The following RGS6 variants were observed in gnomAD, a reference collection of about 807,000 sequenced individuals.
RGS6 encodes the protein regulator of G protein signaling 6, also known as regulator of G-protein signaling 6.
Under a neutral mutation model 78.5 loss-of-function variants are expected in RGS6, and 30 were observed. The observed-to-expected ratio is 0.38, with a 90% CI of 0.29 to 0.52. The LOEUF (loss-of-function observed/expected upper bound fraction) is 0.52, where lower values mean the gene tolerates loss of function less well. Ranked by LOEUF, RGS6 falls within the 20% of genes least tolerant of loss-of-function variation. The pLI is 0.85. For synonymous variants in RGS6, 206 were observed against 206.0 expected (o/e 1.00, Z 0.00); for missense variants, 495 against 609.7 (o/e 0.81, Z 1.98).
chr14:72,261,148 A>G (rs2058080492), intron 2 of RGS6, among the ~76,000 whole-genome samples: 1 of 152,142 alleles, frequency 6.6e-6, no homozygotes, highest in Admixed American at 6.5e-5. Context: ...GAACCTACAA[A>G]TGCACCCTGT....
At chr14:72,072,755 G>T (rs1282301274) in intron 2 of RGS6, among the ~76,000 whole-genome samples, 1 of 152,088 alleles carries the variant, frequency 6.6e-6, no homozygotes, top group African/African-American at 2.4e-5. Flanking sequence ...TATGTCTTAC[G>T]GATTAAGTTA....
At chr14:71,956,011 A>G (rs1168972346) in intron 1 of RGS6, among the ~76,000 whole-genome samples, 2 of 152,230 alleles carry the variant, frequency 1.3e-5, no homozygotes, top group Non-Finnish European at 2.9e-5. Flanking sequence ...AAGTGAGCTC[A>G]TCAGCTAAGA....
At chr14:71,906,869 T>C in the RGS6 span, among the ~76,000 whole-genome samples, 1 of 152,082 alleles carries the variant, frequency 6.6e-6, no homozygotes, top group Non-Finnish European at 1.5e-5. Flanking sequence ...CAATTTATTA[T>C]ATACAGGTAT....
the RGS6 span, among the ~76,000 whole-genome samples, chr14:71,921,276 T>C: frequency 6.6e-6 from 1 of 152,172 alleles, no homozygotes; most frequent in Admixed American, 6.5e-5. Context: ...AAAGCCATTA[T>C]GGAAAAAGGG....
chr14:72,188,727 T>C (rs900344051), intron 2 of RGS6, among the ~76,000 whole-genome samples: 19 of 152,208 alleles, frequency 1.2e-4, no homozygotes, highest in African/African-American at 4.6e-4. Context: ...GTCTTCTTGA[T>C]GGAAAGCGGT....
chr14:72,177,344 A>T (rs895048688), intron 2 of RGS6, among the ~76,000 whole-genome samples: 1 of 152,120 alleles, frequency 6.6e-6, no homozygotes, highest in Non-Finnish European at 1.5e-5. Flanking sequence ...GGTAGTAAAC[A>T]GGGTGTCTTT....
At chr14:72,629,156 C>G in the RGS6 span, among the ~76,000 whole-genome samples, 5 of 152,016 alleles carry the variant, frequency 3.3e-5, no homozygotes, top group Non-Finnish European at 7.4e-5. Context: ...AGTCCTTATC[C>G]TTTTGAGATA....
At chr14:71,951,906 T>A (rs2092355338) in intron 1 of RGS6, among the ~76,000 whole-genome samples, 1 of 152,180 alleles carries the variant, frequency 6.6e-6, no homozygotes, top group Non-Finnish European at 1.5e-5. Flanking sequence ...TGATTGTTGC[T>A]GATATACAAA....
At position 72,483,639 on chromosome 14, in the gene RGS6, C is replaced by A. The variant is rs372005738; in HGVS notation, c.854+5310C>A. 5.1e-3 allele frequency among the ~76,000 whole-genome samples: 769 copies of A among 152,104 alleles called. 7 individuals are homozygous for A. Among genetic ancestry groups the A allele is most frequent in the African/African-American group, 0.017 (719 of 41,494 alleles). On this transcript the variant is annotated intron_variant, in intron 12 of 17. Coordinates refer to ENST00000553525, the MANE Select transcript of RGS6 (RefSeq NM_001204424.2). ...AAAAAGAGGGTCACAGAAGTCATTA[C>A]AACTTTGCTTTTATGGGATTTCAGA...
the RGS6 span, among the ~76,000 whole-genome samples, chr14:72,581,755 A>T: frequency 6.6e-6 from 1 of 152,140 alleles, no homozygotes; most frequent in Non-Finnish European, 1.5e-5. Context: ...CCAGTACTTG[A>T]CCCCAAGAGC....
chr14:71,934,302 T>G (rs961697389), intron 1 of RGS6, among the ~76,000 whole-genome samples: 3 of 152,332 alleles, frequency 2.0e-5, no homozygotes, highest in African/African-American at 7.2e-5. Context: ...ACTATATATA[T>G]GTAGAGAGAG....
chr14:72,055,565 C>T (rs747730247), intron 2 of RGS6, among the ~76,000 whole-genome samples: 4 of 152,150 alleles, frequency 2.6e-5, no homozygotes, highest in Non-Finnish European at 5.9e-5. Flanking sequence ...AGTGGAATCC[C>T]TTGGAACATT....
intron 1 of RGS6, among the ~76,000 whole-genome samples, chr14:71,954,378 C>T (rs1252577622): frequency 6.6e-6 from 1 of 151,772 alleles, no homozygotes; most frequent in African/African-American, 2.4e-5. Context: ...AATTCTCTCT[C>T]TCTTTTTAGT....
intron 2 of RGS6, among the ~76,000 whole-genome samples, chr14:72,004,858 A>G (rs541642996): frequency 3.3e-5 from 5 of 152,244 alleles, no homozygotes; most frequent in African/African-American, 4.8e-5. Flanking sequence ...AAACAAACAT[A>G]AAAGAAGGCA....
intron 2 of RGS6, among the ~76,000 whole-genome samples, chr14:72,253,006 G>A (rs536285356): frequency 7.6e-4 from 116 of 152,348 alleles, no homozygotes; most frequent in South Asian, 2.5e-3. Flanking sequence ...CTCAGGAAGC[G>A]TGGTAAGCAC....
rs113978744 is a variant in RGS6, at chr14:71,937,966, C to G, written c.-21+5025C>G. Among the ~76,000 whole-genome samples the G allele has an allele frequency of 8.6e-3, 1,303 of 152,310 alleles. 16 individuals carry two copies. The highest frequency in any genetic ancestry group is 0.03 in the African/African-American group (1,243 of 41,554). ...CAGCAGTGATCATAGCCAGGTCAGC[C>G]TTGGTGAGTGGAAGTCCGTGTTGCT... is the stretch of plus-strand genomic sequence containing the variant. On this transcript the variant is annotated intron_variant, in intron 1 of 17. Transcript: ENST00000553525.
At position 72,030,626 on chromosome 14, in the gene RGS6, A is replaced by G. The variant is rs957644996; in HGVS notation, c.84+65751A>G. On this transcript the variant is annotated intron_variant, in intron 2 of 17. Transcript: ENST00000553525. ...TGTAGGCTTTTTACTGCACCTGGAG[A>G]GGCCTTTCAGCCATGATGTGAATTA... 4.0e-5 allele frequency among the ~76,000 whole-genome samples: 6 copies of G among 148,358 alleles called. No individual in the cohort carries two copies. The East Asian group carries it at 5.8e-4, about 14-fold the overall frequency.
At chr14:72,348,434 T>C (rs1275327185) in intron 2 of RGS6, among the ~76,000 whole-genome samples, 1 of 152,238 alleles carries the variant, frequency 6.6e-6, no homozygotes, top group East Asian at 1.9e-4. Context: ...GAAATAGATG[T>C]TCTGAAAATA....
intron 2 of RGS6, among the ~76,000 whole-genome samples, chr14:72,027,784 T>C (rs529755158): frequency 1.3e-5 from 2 of 152,294 alleles, no homozygotes; most frequent in East Asian, 3.9e-4. Flanking sequence ...ATGTCTGCAT[T>C]TGTCAGTTAT....
Sources: allele counts gnomAD v4.1 joint callset (sites outside exome capture counted in the v4.1 genomes callset), GRCh38; gene constraint gnomAD v4.1.1; transcripts MANE v1.5; gene names NCBI Gene and HGNC (gene_info 2026-07-23, HGNC 2026-07-21).